The following CHAT variants were observed in gnomAD, a reference collection of about 807,000 sequenced individuals.
The protein encoded by CHAT is choline O-acetyltransferase.
CHAT carries 61 observed loss-of-function variants against 76.9 expected under a neutral mutation model. The ratio of observed to expected loss-of-function variants is 0.79; its 90% confidence interval spans 0.65 to 0.98. The LOEUF is 0.98. CHAT is among the 50% of genes least tolerant of loss of function. CHAT has a pLI of 0.00. For synonymous variants in CHAT, 407 were observed against 397.4 expected (o/e 1.02, Z -0.29); for missense variants, 946 against 986.9 (o/e 0.96, Z 0.56).
chr10:49,614,503 C>A (rs1307509114), intron 1 of CHAT, 28 bp downstream of exon 1: 9 of 1,454,130 alleles, frequency 6.2e-6, no homozygotes, highest in Non-Finnish European at 8.2e-6. Context: ...GCTGGGCTGG[C>A]GGAGCGCGGT....
intron 5 of CHAT, among the ~76,000 whole-genome samples, 155 bp downstream of exon 5, chr10:49,622,305 G>C (rs1275260341): frequency 2.0e-5 from 3 of 152,174 alleles, no homozygotes; most frequent in African/African-American, 7.2e-5. Context: ...CCACCATCAG[G>C]ATGACCTTTA....
chr10:49,649,566 C>A lies in CHAT; in HGVS notation c.1441C>A (p.Arg481=), dbSNP rs751583653. 3.1e-6 allele frequency: 5 copies of A among 1,613,798 alleles called. No individual in the cohort carries two copies. The Admixed American group carries it at 8.3e-5, about 27-fold the overall frequency. The change falls in exon 10 of 15, where the codon CGG becomes AGG. Residue 481 remains arginine, a synonymous_variant. Transcript: ENST00000337653. ...CTCCGTCAGCGAGCTCCCCGCCCCCCGGAGGCTGCGGTGGAAATGCTCCCC... is the reference window on the plus strand; with the variant it reads ...CTCCGTCAGCGAGCTCCCCGCCCCCAGGAGGCTGCGGTGGAAATGCTCCCC... ...ADSVSELPAP[R]RLRWKCSPEI...
At chr10:49,660,044 A>G (rs185132656) in intron 13 of CHAT, among the ~76,000 whole-genome samples, 2 of 152,356 alleles carry the variant, frequency 1.3e-5, no homozygotes, top group Admixed American at 1.3e-4. Context: ...ATCGTTCTGT[A>G]TACATGATTA....
intron 7 of CHAT, among the ~76,000 whole-genome samples, chr10:49,643,658 C>T (rs1177763302): frequency 6.6e-6 from 1 of 152,210 alleles, no homozygotes; most frequent in East Asian, 1.9e-4. Context: ...CCCATCAATT[C>T]ATGAAGCTCA....
chr10:49,664,909 T>C lies in CHAT; in HGVS notation c.2110T>C (p.Ser704Pro). The change falls in exon 15 of 15, where the codon TCT (serine) becomes CCT (proline). Residue 704 changes from serine (S) to proline (P), a missense_variant. By Grantham distance (74) the Ser-to-Pro change is moderately conservative (BLOSUM62 -1). This residue lies in a region of CHAT where 349 missense variants were observed against 393.9 expected (regional missense o/e 0.89). Transcript: ENST00000337653. ...CTTTCACAGCTGCAAAGAGACTTCT[T>C]CTAGCAAGTTTGCAAAAGCTGTGGA... ...SSFHSCKETS[S>P]SKFAKAVEES... The C allele has an allele frequency of 6.2e-7, 1 of 1,614,216 alleles. No individual in the cohort carries two copies. Among genetic ancestry groups the C allele is most frequent in the Non-Finnish European group, 8.5e-7 (1 of 1,180,024 alleles).
At chr10:49,618,081 G>T (rs1027711105) in intron 2 of CHAT, among the ~76,000 whole-genome samples, 2 of 152,204 alleles carry the variant, frequency 1.3e-5, no homozygotes, top group Non-Finnish European at 2.9e-5. Context: ...CTGAAGGAAG[G>T]TGCCTCACTG....
chr10:49,629,557 T>C (rs1839042741), intron 7 of CHAT, among the ~76,000 whole-genome samples: 1 of 152,252 alleles, frequency 6.6e-6, no homozygotes, highest in African/African-American at 2.4e-5. Flanking sequence ...TCCAGCATAG[T>C]TTCCACTTTA....
chr10:49,622,191 C>T, intron 5 of CHAT, 41 bp downstream of exon 5: 7 of 1,591,474 alleles, frequency 4.4e-6, no homozygotes, highest in Non-Finnish European at 6.0e-6. Flanking sequence ...GCACAGTCTG[C>T]CTATGCGTCT....
intron 7 of CHAT, among the ~76,000 whole-genome samples, chr10:49,635,062 T>A (rs12782820): frequency 0.16 from 23,816 of 152,122 alleles, 2,557 homozygotes; most frequent in East Asian, 0.46. Context: ...AGGATCCCTC[T>A]TGCTGCCCTT....
rs556156628 is a variant in CHAT at position 49,654,993 on chromosome 10, C to T, written c.1635-102C>T. ...AATGAAATATTCTGCCAAGTCAAGT[C>T]AGGGCTGTGAAAATAAAGCTTGCTG... On this transcript the variant is annotated intron_variant, in intron 11 of 14. Coordinates refer to ENST00000337653, the MANE Select transcript of CHAT (RefSeq NM_020549.5). The T allele has an allele frequency of 2.1e-5, 25 of 1,194,124 alleles. No individual in the cohort carries two copies. The South Asian group carries it at 2.8e-4, about 13-fold the overall frequency. The allele number at this position is 1,194,124 out of a possible 1,614,324, so 74.0% of individuals were successfully genotyped here. A position where few individuals can be genotyped will look rare whatever the true frequency, so the allele number is the denominator to read the frequency against.
In CHAT at chr10:49,648,544, G is replaced by A. The variant is rs762936544; in HGVS notation, c.1319G>A (p.Cys440Tyr). Reference protein sequence around the residue: ...VGRDGTCGVVCEHSPFDGIVL... With the variant: ...VGRDGTCGVVYEHSPFDGIVL... ...CGAGACGGCACCTGCGGTGTGGTGT[G>A]CGAACACTCCCCATTCGATGGCATC... The change falls in exon 9 of 15, where the codon TGC (cysteine) becomes TAC (tyrosine). Residue 440 changes from cysteine to tyrosine, a missense_variant. By Grantham distance (194) the Cys-to-Tyr change is radical. Transcript: ENST00000337653. The A allele has an allele frequency of 2.5e-6, 4 of 1,614,060 alleles. No individual in the cohort carries two copies. The Admixed American group carries it at 6.7e-5, about 27-fold the overall frequency.
At chr10:49,627,581 G>C in intron 6 of CHAT, 27 bp from the exon 7 acceptor site, 1 of 1,613,398 alleles carries the variant, frequency 6.2e-7, no homozygotes, top group Middle Eastern at 1.7e-4. Context: ...CCCAACAAGT[G>C]ACATGTTTGA....
At chr10:49,609,918 C>G (rs986212148), upstream of CHAT, among the ~76,000 whole-genome samples, 1 of 152,026 alleles carries the variant, frequency 6.6e-6, no homozygotes, top group Non-Finnish European at 1.5e-5. Flanking sequence ...TCGCAAGCCT[C>G]TGGCTCCCGC....
chr10:49,654,195 T>C (rs1314182999), intron 11 of CHAT, among the ~76,000 whole-genome samples: 2 of 152,188 alleles, frequency 1.3e-5, no homozygotes, highest in Admixed American at 6.5e-5. Context: ...TGGGGAAATA[T>C]GTCAGAGTGT....
At position 49,665,492 on chromosome 10, in the gene CHAT, CT is replaced by C. The variant is rs1240186448; in HGVS notation, c.*447del. ...GAAGAGGCTAACTCCAGGTCATTAC[CT>C]CTTTTCTTTTTTGGGGGAGAGGAGG... On this transcript the variant is annotated 3_prime_UTR_variant, in exon 15 of 15. Coordinates refer to ENST00000337653, the MANE Select transcript of CHAT (RefSeq NM_020549.5). Among the ~76,000 whole-genome samples, 1 of 152,098 alleles carries C rather than the reference CT, an allele frequency of 6.6e-6. No individual in the cohort carries two copies. The highest frequency in any genetic ancestry group is 1.5e-5 in the Non-Finnish European group (1 of 68,014).
At chr10:49,639,989 T>C (rs1471034735) in intron 7 of CHAT, among the ~76,000 whole-genome samples, 2 of 152,186 alleles carry the variant, frequency 1.3e-5, no homozygotes, top group Non-Finnish European at 2.9e-5. Flanking sequence ...GCGCTTTCTA[T>C]ATTGGTTATT....
intron 11 of CHAT, 138 bp from the exon 12 acceptor site, chr10:49,654,957 A>C (rs1034540393): frequency 3.1e-6 from 3 of 953,394 alleles, no homozygotes; most frequent in Non-Finnish European, 4.9e-6. Flanking sequence ...CTAGAATTCT[A>C]TTAATATTAA....
intron 4 of CHAT, among the ~76,000 whole-genome samples, chr10:49,621,674 C>A (rs118131407): frequency 6.6e-6 from 1 of 152,122 alleles, no homozygotes; most frequent in African/African-American, 2.4e-5. Flanking sequence ...CACCCTTCAC[C>A]CTCCACCCCT....
intron 2 of CHAT, among the ~76,000 whole-genome samples, chr10:49,618,242 C>G (rs1838571736): frequency 6.6e-6 from 1 of 152,190 alleles, no homozygotes; most frequent in Non-Finnish European, 1.5e-5. Context: ...GATTCTGGAG[C>G]CCCAGCTGAG....
Sources: gnomAD v4.1 joint callset for allele counts (sites outside exome capture counted in the v4.1 genomes callset) on GRCh38, gnomAD v4.1.1 for gene constraint, gnomAD v4.1.1 regional missense constraint, MANE v1.5 for transcripts, NCBI Gene and HGNC (gene_info 2026-07-23, HGNC 2026-07-21) for gene names.